Variants in TSGA10 observed in about 807,000 individuals in gnomAD.
The protein encoded by TSGA10 is testis-specific gene 10 protein.
A neutral mutation model predicts 96.6 loss-of-function variants in TSGA10; 43 were observed. That is an observed-to-expected ratio of 0.44 (90% CI 0.35 to 0.57). TSGA10 has a LOEUF of 0.57. Among genes scored for constraint, TSGA10 ranks in the 20% least tolerant of loss-of-function variants. The probability of loss-of-function intolerance (pLI) is 0.01; values close to 1 mark genes in which losing one functional copy is unlikely to be tolerated. For missense variants in TSGA10, 703 were observed against 834.4 expected (o/e 0.84, Z 1.94); for synonymous variants, 229 against 269.9 (o/e 0.85, Z 1.48).
In TSGA10 at chr2:99,113,968, T is replaced by C. The variant is rs553736756; in HGVS notation, c.-139-3053A>G. On this transcript the variant is annotated intron_variant, in intron 4 of 20. Transcript: ENST00000393483. ...ATTTGTTGTTTGAAGGCATTAAGGTTTCAAAGTAATTACATAGCAATAGCC... is the reference window on the plus strand; with the variant it reads ...ATTTGTTGTTTGAAGGCATTAAGGTCTCAAAGTAATTACATAGCAATAGCC... Among the ~76,000 whole-genome samples the C allele has an allele frequency of 2.0e-4, 31 of 152,198 alleles. 1 individual carries two copies. Among genetic ancestry groups the C allele is most frequent in the Non-Finnish European group, 3.5e-4 (24 of 68,036 alleles).
chr2:99,094,334 T>A (rs140859552), intron 10 of TSGA10, among the ~76,000 whole-genome samples: 5 of 152,114 alleles, frequency 3.3e-5, no homozygotes, highest in Admixed American at 3.3e-4. Context: ...CTTCTAGACA[T>A]TGGCTTAGGC....
At chr2:99,003,131 A>G (rs1014925028) in intron 20 of TSGA10, among the ~76,000 whole-genome samples, 1 of 152,214 alleles carries the variant, frequency 6.6e-6, no homozygotes, top group Non-Finnish European at 1.5e-5. Flanking sequence ...TGCTGGGATT[A>G]TAGGCGTAAG....
At chr2:99,052,756 A>T (rs1558858067) in intron 16 of TSGA10, among the ~76,000 whole-genome samples, 1 of 150,964 alleles carries the variant, frequency 6.6e-6, no homozygotes, top group Non-Finnish European at 1.5e-5. Flanking sequence ...AAAAAAAATT[A>T]AAATAAATAA....
At chr2:99,152,433 G>A (rs895237420) in intron 1 of TSGA10, among the ~76,000 whole-genome samples, 1 of 152,142 alleles carries the variant, frequency 6.6e-6, no homozygotes, top group Non-Finnish European at 1.5e-5. Context: ...TTACAGGCAT[G>A]TGCCACCATA....
chr2:99,145,640 G>A (rs1220532655), intron 1 of TSGA10, among the ~76,000 whole-genome samples: 1 of 151,888 alleles, frequency 6.6e-6, no homozygotes, highest in African/African-American at 2.4e-5. Flanking sequence ...CTCAGAGTCA[G>A]CTGATTAGCA....
intron 16 of TSGA10, among the ~76,000 whole-genome samples, chr2:99,042,827 T>A (rs1029910604): frequency 1.3e-5 from 2 of 151,636 alleles, no homozygotes; most frequent in Non-Finnish European, 2.9e-5. Context: ...CCTCAGCCTC[T>A]CAAGTAGCTG....
At chr2:99,068,629 G>A (rs2085545047) in intron 15 of TSGA10, among the ~76,000 whole-genome samples, 1 of 152,136 alleles carries the variant, frequency 6.6e-6, no homozygotes, top group African/African-American at 2.4e-5. Flanking sequence ...AGGTCAAATT[G>A]ATTTTAGCCC....
intron 20 of TSGA10, among the ~76,000 whole-genome samples, chr2:99,017,181 T>C (rs565318804): frequency 2.1e-4 from 32 of 152,146 alleles, no homozygotes; most frequent in Non-Finnish European, 3.4e-4. Flanking sequence ...AAAAAGTCAT[T>C]ATATGAAAAA....
intron 17 of TSGA10, among the ~76,000 whole-genome samples, chr2:99,025,857 A>G (rs1443227303): frequency 1.3e-5 from 2 of 152,054 alleles, no homozygotes; most frequent in African/African-American, 2.4e-5. Context: ...ACTCACCACT[A>G]TTTGGGAATG....
chr2:99,006,367 T>C (rs1164602551), intron 20 of TSGA10, among the ~76,000 whole-genome samples: 24 of 152,046 alleles, frequency 1.6e-4, no homozygotes, highest in African/African-American at 5.8e-4. Context: ...ACCAACAGAA[T>C]GGGAGAATAT....
intron 1 of TSGA10, among the ~76,000 whole-genome samples, chr2:99,142,939 T>TA (rs1343393719): frequency 6.6e-6 from 1 of 152,164 alleles, no homozygotes; most frequent in Non-Finnish European, 1.5e-5. Flanking sequence ...GTATGCCACC[T>TA]AGACGGTACT....
chr2:99,134,959 T>C (rs2093262949), intron 1 of TSGA10, among the ~76,000 whole-genome samples: 1 of 152,176 alleles, frequency 6.6e-6, no homozygotes. Flanking sequence ...TGTTTCTTCC[T>C]CTGAAAGCTT....
rs2091629720 is a variant in TSGA10 at position 99,109,452 on chromosome 2, T to C, written c.-13A>G. Reference sequence around the variant, plus strand: ...TACTTCGCATCATCTTTCTCAAATGTTGAGCTTCACTCTTATAGTGATCTT... The same window carrying C: ...TACTTCGCATCATCTTTCTCAAATGCTGAGCTTCACTCTTATAGTGATCTT... On this transcript the variant is annotated 5_prime_UTR_variant, in exon 6 of 21. Coordinates refer to ENST00000393483, the MANE Select transcript of TSGA10 (RefSeq NM_025244.4). 7 of 1,613,814 alleles carry C rather than the reference T, an allele frequency of 4.3e-6. No individual in the cohort carries two copies. Among genetic ancestry groups the C allele is most frequent in the Middle Eastern group, 1.6e-4 (1 of 6,084 alleles).
intron 7 of TSGA10, among the ~76,000 whole-genome samples, chr2:99,106,944 A>T (rs950926542): frequency 8.5e-5 from 13 of 152,200 alleles, no homozygotes; most frequent in Admixed American, 8.5e-4. Flanking sequence ...GATGACTTCC[A>T]AAGCTAACTA....
At chr2:99,069,510 AT>A (rs1310627935) in intron 14 of TSGA10, among the ~76,000 whole-genome samples, 1 of 151,944 alleles carries the variant, frequency 6.6e-6, no homozygotes, top group Non-Finnish European at 1.5e-5. Context: ...GTCTATTTAC[AT>A]TTTTTTAATT....
Position 99,064,092 on chromosome 2 carries a change from G to C in TSGA10, c.1404+847C>G, listed in dbSNP as rs141484088. Among the ~76,000 whole-genome samples, 129 of 152,234 alleles carry C rather than the reference G, an allele frequency of 8.5e-4. 1 individual carries two copies. The East Asian group carries it at 0.02, about 24-fold the overall frequency. ...TAGAGAGCAATTTGACAAAAACTTA[G>C]AAGAGCTGAAATTGCACATATCTTG... On this transcript the variant is annotated intron_variant, in intron 16 of 20. Transcript: ENST00000393483.
chr2:99,001,930 T>C (rs1321980516), intron 20 of TSGA10, among the ~76,000 whole-genome samples: 2 of 152,004 alleles, frequency 1.3e-5, no homozygotes, highest in Non-Finnish European at 2.9e-5. Context: ...AAGAGAAGTT[T>C]AGAGAAAAAA....
intron 16 of TSGA10, among the ~76,000 whole-genome samples, chr2:99,046,060 C>T (rs1242483565): frequency 6.6e-6 from 1 of 151,966 alleles, no homozygotes; most frequent in Admixed American, 6.5e-5. Flanking sequence ...CAGGAGCACC[C>T]AGATGAATAA....
chr2:99,108,899 T>C lies in TSGA10; in HGVS notation c.144A>G (p.Ala48=). The change falls in exon 7 of 21, where the codon GCA becomes GCG. Residue 48 remains alanine, a synonymous_variant. Transcript: ENST00000393483. ...GAACCTTGACATTACCCTGAATTTC[T>C]GCCAAATGGCGCTCATATTTTTCCA... ...CMLEKYERHL[A]EIQGNVKVLK... is the part of the protein sequence containing the mutation. 6.2e-7 allele frequency: 1 copy of C among 1,607,872 alleles called. No individual in the cohort carries two copies. Among genetic ancestry groups the C allele is most frequent in the Non-Finnish European group, 8.5e-7 (1 of 1,178,202 alleles).
Sources: gnomAD v4.1 joint callset for allele counts (sites outside exome capture counted in the v4.1 genomes callset) on GRCh38, gnomAD v4.1.1 for gene constraint, MANE v1.5 for transcripts, NCBI Gene and HGNC (gene_info 2026-07-23, HGNC 2026-07-21) for gene names.